The following RPGRIP1 variants were observed in gnomAD, a reference collection of about 807,000 sequenced individuals.
The protein encoded by RPGRIP1 is X-linked retinitis pigmentosa GTPase regulator-interacting protein 1.
RPGRIP1 carries 128 observed loss-of-function variants against 157.9 expected under a neutral mutation model. The ratio of observed to expected loss-of-function variants is 0.81; its 90% confidence interval spans 0.70 to 0.94. The LOEUF (loss-of-function observed/expected upper bound fraction) is 0.94. Ranked by LOEUF, RPGRIP1 falls within the 40% of genes least tolerant of loss-of-function variation. RPGRIP1 has a pLI of 0.00. For synonymous variants in RPGRIP1, 554 were observed against 571.6 expected (o/e 0.97, Z 0.44); for missense variants, 1,486 against 1,545.8 (o/e 0.96, Z 0.65).
At chr14:21,289,340 C>G (rs1263608201) in intron 2 of RPGRIP1, among the ~76,000 whole-genome samples, 1 of 151,794 alleles carries the variant, frequency 6.6e-6, no homozygotes, top group Non-Finnish European at 1.5e-5. Flanking sequence ...CCCCCTCCCC[C>G]AAAAAACCAT....
intron 1 of RPGRIP1, among the ~76,000 whole-genome samples, chr14:21,281,828 C>T (rs1398255598): frequency 6.6e-6 from 1 of 151,842 alleles, no homozygotes; most frequent in Non-Finnish European, 1.5e-5. Flanking sequence ...GGCAGGGTGG[C>T]TCATGCCTGT....
At chr14:21,340,419 C>T (rs960266492) in intron 21 of RPGRIP1, among the ~76,000 whole-genome samples, 2 of 152,196 alleles carry the variant, frequency 1.3e-5, no homozygotes, top group African/African-American at 4.8e-5. Context: ...CTTTGGGAGG[C>T]CGAGGTGGGT....
At chr14:21,328,776 A>C in intron 19 of RPGRIP1, 149 bp downstream of exon 19, 2 of 623,918 alleles carry the variant, frequency 3.2e-6, no homozygotes, top group South Asian at 4.1e-5. Flanking sequence ...TAATCCCAGC[A>C]CTTTGGGCAG....
At chr14:21,325,516 G>C in intron 16 of RPGRIP1, 133 bp downstream of exon 16, 1 of 895,788 alleles carries the variant, frequency 1.1e-6, no homozygotes, top group Non-Finnish European at 1.7e-6. Flanking sequence ...ACCACAACTA[G>C]TCTGGATTAT....
At chr14:21,293,162 A>G (rs763471446) in intron 2 of RPGRIP1, among the ~76,000 whole-genome samples, 1 of 152,132 alleles carries the variant, frequency 6.6e-6, no homozygotes, top group Non-Finnish European at 1.5e-5. Flanking sequence ...ATAAGTAAAT[A>G]AACGCAAAAA....
At chr14:21,309,376 G>A (rs1304695285) in intron 7 of RPGRIP1, among the ~76,000 whole-genome samples, 2 of 152,040 alleles carry the variant, frequency 1.3e-5, no homozygotes, top group African/African-American at 2.4e-5. Flanking sequence ...GACAGGCATC[G>A]TGATGTGTGC....
At chr14:21,298,108 T>TCTGTAAG (rs1222372775) in intron 3 of RPGRIP1, among the ~76,000 whole-genome samples, 1 of 152,032 alleles carries the variant, frequency 6.6e-6, no homozygotes, top group Admixed American at 6.6e-5. Context: ...ACTAATTTTG[T>TCTGTAAG]CTGTAAGCAG....
chr14:21,321,364 A>T lies in RPGRIP1; in HGVS notation c.1573A>T (p.Met525Leu). The T allele has an allele frequency of 6.2e-7, 1 of 1,613,426 alleles. No homozygotes were observed. Among genetic ancestry groups the T allele is most frequent in the Non-Finnish European group, 8.5e-7 (1 of 1,179,764 alleles). ...ATTGGAACTAGAAAAGACCAGGGAC[A>T]TGCTTATTCTGCAGCGCAAAATCAA... Reference protein sequence around the residue: ...TTLELEKTRDMLILQRKINVC... With the variant: ...TTLELEKTRDLLILQRKINVC... Residue 525 changes from methionine to leucine, a missense_variant, in exon 13 of 25, where the codon ATG (methionine) becomes TTG (leucine). Physicochemically the swap from Met to Leu is conservative, Grantham distance 15. Coordinates refer to ENST00000400017, the MANE Select transcript of RPGRIP1 (RefSeq NM_020366.4).
chr14:21,318,636 C>T (rs1211290751), intron 11 of RPGRIP1, among the ~76,000 whole-genome samples: 1 of 151,674 alleles, frequency 6.6e-6, no homozygotes, highest in Non-Finnish European at 1.5e-5. Flanking sequence ...CCACCACACC[C>T]AACTAATTTT....
chr14:21,319,961 TG>T (rs927501322), intron 11 of RPGRIP1, 55 bp from the exon 12 acceptor site: 75 of 1,498,442 alleles, frequency 5.0e-5, no homozygotes, highest in Non-Finnish European at 6.7e-5. Flanking sequence ...GATCCAACTC[TG>T]ACCATGGTGA....
chr14:21,310,045 G>A (rs143605235), intron 7 of RPGRIP1, among the ~76,000 whole-genome samples: 1,855 of 105,028 alleles, frequency 0.018, 669 homozygotes, highest in African/African-American at 0.065. Context: ...AGATTGTGCC[G>A]CAGCACTCCA....
intron 21 of RPGRIP1, among the ~76,000 whole-genome samples, chr14:21,340,875 A>G (rs1043269166): frequency 9.2e-5 from 14 of 151,824 alleles, no homozygotes; most frequent in African/African-American, 3.4e-4. Flanking sequence ...ATCCTATCCT[A>G]TTGTTTCTTT....
In RPGRIP1 at chr14:21,296,329, A is replaced by G. The variant is rs1204735641; in HGVS notation, c.218+1520A>G. ...CAATCAGCCTGCCTCGGCCTCCCAA[A>G]GCGCTAGGATTACAGGTGTGAGCCA... On this transcript the variant is annotated intron_variant, in intron 3 of 24. Coordinates refer to ENST00000400017, the MANE Select transcript of RPGRIP1 (RefSeq NM_020366.4). 2.0e-5 allele frequency among the ~76,000 whole-genome samples: 3 copies of G among 151,698 alleles called. No homozygotes were observed. In the East Asian group the frequency reaches 5.8e-4, roughly 29 times the overall value.
intron 10 of RPGRIP1, among the ~76,000 whole-genome samples, chr14:21,312,782 G>A (rs980912305): frequency 4.0e-5 from 6 of 151,000 alleles, no homozygotes; most frequent in African/African-American, 7.3e-5. Flanking sequence ...TCTACCTCCC[G>A]GGTTCAAACG....
At chr14:21,302,876 T>G in intron 5 of RPGRIP1, 1 of 188,112 alleles carries the variant, frequency 5.3e-6, no homozygotes, top group East Asian at 1.2e-4. Flanking sequence ...TTTTTTTTTT[T>G]TTTTTTTTTT....
Position 21,294,762 on chromosome 14 carries a change from CATG to C in RPGRIP1, c.172_174del (p.Met58del). 1.3e-6 allele frequency: 2 copies of C among 1,597,880 alleles called. No homozygotes were observed. The highest frequency in any genetic ancestry group is 1.7e-6 in the Non-Finnish European group (2 of 1,170,688). ...GTTTCTTTCGACTTCGCGAAGATCA[CATG>C]TTGGTGAAGGAGCTTTCTTGGAAGC... On this transcript the variant is annotated inframe_deletion, in exon 3 of 25. Transcript: ENST00000400017.
intron 12 of RPGRIP1, among the ~76,000 whole-genome samples, chr14:21,321,015 A>T (rs1291197849): frequency 6.6e-6 from 1 of 152,190 alleles, no homozygotes; most frequent in Non-Finnish European, 1.5e-5. Context: ...TCAGATGAGG[A>T]CTTGAAAAGA....
intron 10 of RPGRIP1, among the ~76,000 whole-genome samples, chr14:21,316,026 G>C (rs999403219): frequency 2.1e-5 from 3 of 146,316 alleles, no homozygotes; most frequent in African/African-American, 7.7e-5. Context: ...CCCAGGCTGA[G>C]AGTGCAGTGG....
intron 12 of RPGRIP1, 56 bp from the exon 13 acceptor site, chr14:21,321,200 CATT>C: frequency 2.0e-6 from 3 of 1,524,330 alleles, no homozygotes. Flanking sequence ...TATGGAGAAT[CATT>C]ATTACTTTAC....
Sources: allele counts gnomAD v4.1 joint callset (sites outside exome capture counted in the v4.1 genomes callset), GRCh38; gene constraint gnomAD v4.1.1; transcripts MANE v1.5; gene names NCBI Gene and HGNC (gene_info 2026-07-23, HGNC 2026-07-21).